The following RELN variants were observed in gnomAD, a reference collection of about 807,000 sequenced individuals.
The protein encoded by RELN is reelin.
A neutral mutation model predicts 427.6 loss-of-function variants in RELN; 108 were observed. That is an observed-to-expected ratio of 0.25 (90% CI 0.22 to 0.30). The LOEUF is 0.30. Ranked by LOEUF, RELN falls within the 10% of genes least tolerant of loss-of-function variation. The pLI is 1.00. For missense variants in RELN, 3,715 were observed against 4,302.8 expected (o/e 0.86, Z 3.82); for synonymous variants, 1,524 against 1,513.4 (o/e 1.01, Z -0.16).
At chr7:103,651,830 G>A in intron 14 of RELN, 41 bp from the exon 15 acceptor site, 2 of 1,600,946 alleles carry the variant, frequency 1.2e-6, no homozygotes. Flanking sequence ...GGTGGGGAGG[G>A]TAAAGATAAC....
intron 1 of RELN, among the ~76,000 whole-genome samples, chr7:103,918,686 G>T: frequency 6.6e-6 from 1 of 152,052 alleles, no homozygotes; most frequent in East Asian, 1.9e-4. Flanking sequence ...GTAGTGCAAG[G>T]TTGTTTTATC....
chr7:103,908,233 A>G (rs1238272791), intron 2 of RELN, among the ~76,000 whole-genome samples: 1 of 152,174 alleles, frequency 6.6e-6, no homozygotes, highest in East Asian at 1.9e-4. Context: ...CCAAAATTAA[A>G]GTGAACTTCT....
chr7:103,916,974 A>G (rs774348037), intron 2 of RELN, 101 bp downstream of exon 2: 242 of 897,080 alleles, frequency 2.7e-4, no homozygotes, highest in Non-Finnish European at 4.1e-4. Context: ...ATTTTCTTGG[A>G]AGTAATAAAG....
chr7:103,736,192 C>T (rs937463119), intron 6 of RELN, among the ~76,000 whole-genome samples: 2 of 152,156 alleles, frequency 1.3e-5, no homozygotes, highest in Admixed American at 1.3e-4. Flanking sequence ...ACTCTTTGTA[C>T]CTTCCATTCA....
chr7:103,701,039 TA>T (rs1426400644), intron 8 of RELN, 33 bp from the exon 9 acceptor site: 4 of 1,221,820 alleles, frequency 3.3e-6, no homozygotes, highest in Non-Finnish European at 3.6e-6. Flanking sequence ...ATTTCAAGGT[TA>T]AAAAATGGTG....
intron 41 of RELN, among the ~76,000 whole-genome samples, chr7:103,548,188 T>C (rs996751899): frequency 1.3e-5 from 2 of 152,356 alleles, no homozygotes; most frequent in African/African-American, 2.4e-5. Context: ...TGAAAGCTCA[T>C]AGTTATTCTT....
intron 25 of RELN, 45 bp from the exon 26 acceptor site, chr7:103,594,537 G>T: frequency 6.5e-7 from 1 of 1,540,108 alleles, no homozygotes; most frequent in Admixed American, 1.8e-5. Flanking sequence ...CAAAAGCTGT[G>T]CTTTTTTTTT....
At chr7:103,784,187 T>C (rs1320943935) in intron 3 of RELN, among the ~76,000 whole-genome samples, 1 of 152,146 alleles carries the variant, frequency 6.6e-6, no homozygotes, top group African/African-American at 2.4e-5. Flanking sequence ...GGGACGTTGA[T>C]TGGACTGATG....
chr7:103,524,951 C>T (rs1429016939), intron 46 of RELN, among the ~76,000 whole-genome samples: 1 of 152,122 alleles, frequency 6.6e-6, no homozygotes, highest in Non-Finnish European at 1.5e-5. Context: ...CCTCCTTGGC[C>T]CACAAGGTCC....
intron 11 of RELN, among the ~76,000 whole-genome samples, chr7:103,679,465 A>G (rs146735910): frequency 1.2e-4 from 19 of 152,340 alleles, no homozygotes; most frequent in Non-Finnish European, 2.6e-4. Flanking sequence ...GCACATTATT[A>G]TATCTTATTG....
rs1832338508 is a variant in RELN, at chr7:103,626,740, G to A, written c.2702+3200C>T. Among the ~76,000 whole-genome samples, 1 of 152,084 alleles carries A rather than the reference G, an allele frequency of 6.6e-6. No individual in the cohort carries two copies. The highest frequency in any genetic ancestry group is 1.9e-4 in the East Asian group (1 of 5,202). ...GGTTTATTAGATGGGGCAGAGGAATGTTAATGTTCCCTTGGTATTATCACT... is the reference window on the plus strand; with the variant it reads ...GGTTTATTAGATGGGGCAGAGGAATATTAATGTTCCCTTGGTATTATCACT... On this transcript the variant is annotated intron_variant, in intron 20 of 64. Coordinates refer to ENST00000428762, the MANE Select transcript of RELN (RefSeq NM_005045.4). The surrounding 1 kb of genome is among the most constrained non-coding windows in gnomAD (Gnocchi z 4.4).
intron 11 of RELN, among the ~76,000 whole-genome samples, chr7:103,672,358 C>T (rs1346870937): frequency 1.3e-5 from 2 of 152,016 alleles, no homozygotes; most frequent in African/African-American, 4.8e-5. Flanking sequence ...GCAAAGATGG[C>T]GTGGAAATGT....
Position 103,589,740 on chromosome 7 carries a change from A to G in RELN, c.4001T>C (p.Val1334Ala). The G allele has an allele frequency of 6.2e-7, 1 of 1,613,760 alleles. No individual in the cohort carries two copies. The highest frequency in any genetic ancestry group is 8.5e-7 in the Non-Finnish European group (1 of 1,179,670). Residue 1334 changes from valine to alanine, a missense_variant, in exon 28 of 65, where the codon GTG (valine) becomes GCG (alanine). This residue lies in a region of RELN where 2,208 missense variants were observed against 2,361.7 expected (regional missense o/e 0.93). Coordinates refer to ENST00000428762, the MANE Select transcript of RELN (RefSeq NM_005045.4). The part of the protein sequence containing the change: ...SHDAGMSWFL[V>A]KEGCYPASAG... ...AGAAGCCGGGTAACAGCCTTCTTTC[A>G]CCAGAAACCAGGACATACCAGCATC... is the stretch of plus-strand genomic sequence containing the variant.
chr7:103,608,247 T>A (rs1266047674), intron 22 of RELN, among the ~76,000 whole-genome samples: 1 of 152,228 alleles, frequency 6.6e-6, no homozygotes, highest in African/African-American at 2.4e-5. Flanking sequence ...AAATATACTT[T>A]ATTTTTATGG....
At chr7:103,778,565 A>G (rs975687755) in intron 3 of RELN, among the ~76,000 whole-genome samples, 1 of 152,232 alleles carries the variant, frequency 6.6e-6, no homozygotes, top group Admixed American at 6.5e-5. Context: ...GATTCAGGTA[A>G]CAGAGGTTTC....
At chr7:103,623,184 C>A (rs191673066) in intron 20 of RELN, among the ~76,000 whole-genome samples, 1 of 152,316 alleles carries the variant, frequency 6.6e-6, no homozygotes, top group Admixed American at 6.5e-5. Context: ...ATTTACCTAT[C>A]TATCTGCTAA....
chr7:103,702,609 A>T (rs1019925967), intron 8 of RELN, among the ~76,000 whole-genome samples: 3 of 152,222 alleles, frequency 2.0e-5, no homozygotes, highest in African/African-American at 7.2e-5. Context: ...CAGCATCATG[A>T]GGTTAACTTT....
intron 6 of RELN, among the ~76,000 whole-genome samples, chr7:103,740,702 T>C (rs1036324740): frequency 6.6e-6 from 1 of 152,318 alleles, no homozygotes; most frequent in Non-Finnish European, 1.5e-5. Context: ...GTTGAATTCA[T>C]TAGGTGAAGT....
chr7:103,944,524 T>C (rs1400674170), intron 1 of RELN, among the ~76,000 whole-genome samples: 1 of 152,214 alleles, frequency 6.6e-6, no homozygotes, highest in African/African-American at 2.4e-5. Context: ...AGGAGCCCTC[T>C]GACTTCTTCC....
Sources: gnomAD v4.1 joint callset for allele counts (sites outside exome capture counted in the v4.1 genomes callset) on GRCh38, gnomAD v4.1.1 for gene constraint, gnomAD v4.1.1 regional missense constraint, Gnocchi (gnomAD v3.1) non-coding constraint, MANE v1.5 for transcripts, NCBI Gene and HGNC (gene_info 2026-07-23, HGNC 2026-07-21) for gene names.